Variants in ABCA1 observed in about 807,000 individuals in gnomAD.
ABCA1 encodes ATP binding cassette subfamily A member 1.
A neutral mutation model predicts 262.5 loss-of-function variants in ABCA1; 133 were observed. That is an observed-to-expected ratio of 0.51 (90% CI 0.44 to 0.59). The LOEUF is 0.59. Ranked by LOEUF, ABCA1 falls within the 20% of genes least tolerant of loss-of-function variation. The probability of loss-of-function intolerance (pLI) is 0.00; values close to 1 mark genes in which losing one functional copy is unlikely to be tolerated. For missense variants in ABCA1, 2,452 were observed against 2,777.5 expected (o/e 0.88, Z 2.63); for synonymous variants, 1,022 against 1,043.5 (o/e 0.98, Z 0.40).
chr9:104,818,843 C>A lies in ABCA1; in HGVS notation c.3282G>T (p.Ala1094=). The A allele has an allele frequency of 6.2e-7, 1 of 1,613,950 alleles. No individual in the cohort carries two copies. Among genetic ancestry groups the A allele is most frequent in the South Asian group, 1.1e-5 (1 of 91,062 alleles). Residue 1094 remains alanine (A), a synonymous_variant, in exon 23 of 50, where the codon GCG becomes GCT. Transcript: ENST00000374736. ...IILSTHHMDE[A]DVLGDRIAII... Reference sequence around the variant, plus strand: ...TGGCAATCCTGTCCCCCAGGACGTCCGCTTCATCCATGTGGTGTGTAGAGA... The same window carrying A: ...TGGCAATCCTGTCCCCCAGGACGTCAGCTTCATCCATGTGGTGTGTAGAGA...
Position 104,855,034 on chromosome 9 carries a change from G to A in ABCA1, c.720+3488C>T, listed in dbSNP as rs1835718389. On this transcript the variant is annotated intron_variant, in intron 7 of 49. Coordinates refer to ENST00000374736, the MANE Select transcript of ABCA1 (RefSeq NM_005502.4). ...AAACACAACAGCGTTCTGACATCCA[G>A]TATTAATTTTCACACAAGGTACGGA... 5 of 490,428 alleles carry A rather than the reference G, an allele frequency of 1.0e-5. No homozygotes were observed. In the South Asian group the frequency reaches 2.7e-4, roughly 26 times the overall value. The allele number at this position is 490,428 out of a possible 1,614,324, so 30.4% of individuals were successfully genotyped here. A position where few individuals can be genotyped will look rare whatever the true frequency, so the allele number is the denominator to read the frequency against.
chr9:104,814,159 T>C lies in ABCA1; in HGVS notation c.3860A>G (p.Glu1287Gly). 1 of 1,614,246 alleles carries C rather than the reference T, an allele frequency of 6.2e-7. No homozygotes were observed. The highest frequency in any genetic ancestry group is 1.3e-5 in the African/African-American group (1 of 75,062). Residue 1287 changes from glutamate (E) to glycine (G), a missense_variant, in exon 27 of 50, where the codon GAA becomes GGA. By Grantham distance (98) the Glu-to-Gly change is moderately conservative. Around this residue, in one of 4 missense-constraint regions of ABCA1, gnomAD observed 665 missense variants for 727.3 expected, o/e 0.91. Coordinates refer to ENST00000374736, the MANE Select transcript of ABCA1 (RefSeq NM_005502.4). ...ATCATTTGGATCAGCAGCATCATCT[T>C]CAGTGAACGGGCGAAGACAGCTCTG... ...DKQSCLRPFT[E>G]DDAADPNDSD...
At chr9:104,795,956 A>G in intron 39 of ABCA1, 97 bp downstream of exon 39, 1 of 1,533,936 alleles carries the variant, frequency 6.5e-7, no homozygotes, top group South Asian at 1.1e-5. Context: ...AGCAGTGTCA[A>G]TACCACTGAC....
intron 44 of ABCA1, 78 bp from the exon 45 acceptor site, chr9:104,788,645 G>A: frequency 6.6e-7 from 1 of 1,525,336 alleles, no homozygotes; most frequent in South Asian, 1.1e-5. Flanking sequence ...TAATGTTCCT[G>A]TAAAGTATGC....
chr9:104,792,874 T>G lies in ABCA1; in HGVS notation c.5669A>C (p.Asp1890Ala), dbSNP rs768143689. Reference sequence around the variant, plus strand: ...TTCCCGCCTCACATCTTCATCTTCATCATTCAGAGGAGATAGCTTTGCATT... The same window carrying G: ...TTCCCGCCTCACATCTTCATCTTCAGCATTCAGAGGAGATAGCTTTGCATT... Reference protein sequence around the residue: ...PVNAKLSPLNDEDEDVRRERQ... With the variant: ...PVNAKLSPLNAEDEDVRRERQ... The change falls in exon 42 of 50, where the codon GAT becomes GCT. Residue 1890 changes from aspartate to alanine, a missense_variant. Asp to Ala is a moderately radical substitution (Grantham distance 126). Transcript: ENST00000374736. The G allele has an allele frequency of 1.2e-6, 2 of 1,614,110 alleles. No homozygotes were observed. Among genetic ancestry groups the G allele is most frequent in the South Asian group, 2.2e-5 (2 of 91,086 alleles).
chr9:104,811,756 G>A (rs1831300605), intron 28 of ABCA1, among the ~76,000 whole-genome samples: 1 of 152,184 alleles, frequency 6.6e-6, no homozygotes, highest in Non-Finnish European at 1.5e-5. Flanking sequence ...CTATCTCTAT[G>A]TTGTCATTAT....
At chr9:104,809,832 T>C (rs1484548190) in intron 29 of ABCA1, among the ~76,000 whole-genome samples, 1 of 152,118 alleles carries the variant, frequency 6.6e-6, no homozygotes, top group Non-Finnish European at 1.5e-5. Flanking sequence ...CACATGTACA[T>C]ACACATATAC....
At position 104,785,494 on chromosome 9, in the gene ABCA1, A is replaced by T. The variant is rs1330536004; in HGVS notation, c.6547T>A (p.Ser2183Thr). 5 of 1,613,128 alleles carry T rather than the reference A, an allele frequency of 3.1e-6. No homozygotes were observed. Among genetic ancestry groups the T allele is most frequent in the Non-Finnish European group, 1.7e-6 (2 of 1,179,432 alleles). ...RNMLQYQLPS[S>T]LSSLARIFSI... ...AATATCCTGGCCAGAGAAGATAATG[A>T]AGATGGAAGCTGGTATTGTAGCATG... is the stretch of plus-strand genomic sequence containing the variant. The change falls in exon 49 of 50, where the codon TCA becomes ACA. Residue 2183 changes from serine to threonine, a missense_variant. Physicochemically the swap from Ser to Thr is moderately conservative, Grantham distance 58 (BLOSUM62 1). Around this residue, in one of 4 missense-constraint regions of ABCA1, gnomAD observed 752 missense variants for 944.5 expected, o/e 0.80. Transcript: ENST00000374736.
chr9:104,860,866 C>T (rs1383242859), intron 6 of ABCA1, among the ~76,000 whole-genome samples: 1 of 150,152 alleles, frequency 6.7e-6, no homozygotes, highest in Admixed American at 6.7e-5. Flanking sequence ...AAACGATTCT[C>T]CTGTCTCAGC....
Position 104,782,074 on chromosome 9 carries a change from G to A in ABCA1, c.*2241C>T, listed in dbSNP as rs775869506. On this transcript the variant is annotated 3_prime_UTR_variant, in exon 50 of 50. Transcript: ENST00000374736. ...ATATGGCCTTGAAATCAGAGGAACC[G>A]AAGTAAGGAGTTGCTCATAGATTTA... The A allele has an allele frequency of 3.3e-5, 5 of 152,038 alleles. No homozygotes were observed. Among genetic ancestry groups the A allele is most frequent in the Non-Finnish European group, 5.9e-5 (4 of 67,944 alleles). The allele number at this position is 152,038 out of a possible 1,614,324, so 9.4% of individuals were successfully genotyped here.
intron 31 of ABCA1, among the ~76,000 whole-genome samples, chr9:104,805,097 T>C (rs1310461548): frequency 6.6e-6 from 1 of 152,196 alleles, no homozygotes; most frequent in Non-Finnish European, 1.5e-5. Flanking sequence ...TTTTTTGATA[T>C]GGAGTTTTGC....
intron 42 of ABCA1, among the ~76,000 whole-genome samples, chr9:104,792,381 T>C (rs967239609): frequency 6.6e-6 from 1 of 152,170 alleles, no homozygotes; most frequent in Admixed American, 6.5e-5. Context: ...AAAGTAAAAT[T>C]TGGAGATGCT....
chr9:104,807,543 C>T (rs540670301), intron 30 of ABCA1, among the ~76,000 whole-genome samples: 2 of 152,244 alleles, frequency 1.3e-5, no homozygotes, highest in African/African-American at 4.8e-5. Context: ...TTGCCAGGCA[C>T]GATGGCTCAT....
intron 1 of ABCA1, among the ~76,000 whole-genome samples, chr9:104,926,335 T>G (rs902998206): frequency 6.6e-5 from 10 of 152,116 alleles, no homozygotes; most frequent in African/African-American, 2.4e-4. Flanking sequence ...TTTCTTTGCT[T>G]CTTTTTGATA....
At chr9:104,786,204 C>T (rs1019106902) in intron 48 of ABCA1, 94 bp downstream of exon 48, 12 of 1,066,908 alleles carry the variant, frequency 1.1e-5, no homozygotes, top group East Asian at 4.8e-5. Context: ...AGTTTTATTT[C>T]CCTTTATGTT....
intron 37 of ABCA1, among the ~76,000 whole-genome samples, chr9:104,796,918 G>A (rs759367074): frequency 2.0e-5 from 3 of 152,184 alleles, no homozygotes; most frequent in Non-Finnish European, 4.4e-5. Flanking sequence ...AGTGTATCAA[G>A]CAGTAAAATG....
chr9:104,784,767 G>C (rs1440581530), intron 49 of ABCA1, among the ~76,000 whole-genome samples: 1 of 152,100 alleles, frequency 6.6e-6, no homozygotes, highest in East Asian at 1.9e-4. Context: ...CCTCAGCCTC[G>C]CAAGTAGCTG....
At chr9:104,910,076 C>G (rs1252426182) in intron 1 of ABCA1, among the ~76,000 whole-genome samples, 1 of 152,112 alleles carries the variant, frequency 6.6e-6, no homozygotes, top group Non-Finnish European at 1.5e-5. Flanking sequence ...TAGTGCTGGG[C>G]TCCTATCGAA....
chr9:104,924,438 T>C (rs1387123772), intron 1 of ABCA1, among the ~76,000 whole-genome samples: 2 of 151,968 alleles, frequency 1.3e-5, no homozygotes, highest in Non-Finnish European at 2.9e-5. Context: ...GGTGAAACCC[T>C]GTCCCTACTA....
Sources: allele counts gnomAD v4.1 joint callset (sites outside exome capture counted in the v4.1 genomes callset), GRCh38; gene constraint gnomAD v4.1.1; regional missense constraint gnomAD v4.1.1; transcripts MANE v1.5; gene names NCBI Gene and HGNC (gene_info 2026-07-23, HGNC 2026-07-21).